The following CMC1 variants were observed in gnomAD, a reference collection of about 807,000 sequenced individuals.
CMC1 encodes the protein COX assembly mitochondrial protein homolog.
Under a neutral mutation model 14.1 loss-of-function variants are expected in CMC1, and 14 were observed. The observed-to-expected ratio is 0.99, with a 90% confidence interval of 0.66 to 1.55. The LOEUF (loss-of-function observed/expected upper bound fraction) is 1.55. Among genes scored for constraint, CMC1 ranks in the 40% most tolerant of loss-of-function variants. The pLI is 0.00. For missense variants in CMC1, 127 were observed against 123.8 expected (o/e 1.03, Z -0.12); for synonymous variants, 50 against 38.4 (o/e 1.30, Z -1.12).
intron 2 of CMC1, among the ~76,000 whole-genome samples, chr3:28,270,792 T>C (rs1353366383): frequency 6.6e-6 from 1 of 152,190 alleles, no homozygotes; most frequent in Non-Finnish European, 1.5e-5. Context: ...TTTGTTGCAA[T>C]TGGTTTTGGC....
intron 2 of CMC1, among the ~76,000 whole-genome samples, chr3:28,277,608 A>G (rs1700648094): frequency 6.6e-6 from 1 of 152,188 alleles, no homozygotes; most frequent in Non-Finnish European, 1.5e-5. Flanking sequence ...ATGAGGCTGC[A>G]GTTTCTAATA....
At chr3:28,281,101 A>G (rs1700869442) in intron 2 of CMC1, among the ~76,000 whole-genome samples, 1 of 152,228 alleles carries the variant, frequency 6.6e-6, no homozygotes, top group Admixed American at 6.5e-5. Context: ...AATTCTAGAA[A>G]CACAGGAAAG....
chr3:28,300,252 G>GT (rs1409835309), intron 2 of CMC1, among the ~76,000 whole-genome samples: 3 of 152,070 alleles, frequency 2.0e-5, no homozygotes, highest in East Asian at 1.9e-4. Context: ...CTGGAATACT[G>GT]TTTTTTGCTT....
In CMC1 at chr3:28,278,609, A is replaced by G. The variant is rs1282998904; in HGVS notation, c.109+15229A>G. On this transcript the variant is annotated intron_variant, in intron 2 of 3. Coordinates refer to ENST00000466830, the MANE Select transcript of CMC1 (RefSeq NM_182523.2). ...GACCACTCTCCCTCCAGAAGAAACC[A>G]TAACTACACTGATTTGTTAATTCAA... Among the ~76,000 whole-genome samples, 3 of 152,242 alleles carry G rather than the reference A, an allele frequency of 2.0e-5. No homozygotes were observed. In the East Asian group the frequency reaches 5.8e-4, roughly 29 times the overall value.
chr3:28,305,418 T>C (rs1305756749), intron 2 of CMC1, among the ~76,000 whole-genome samples: 1 of 152,220 alleles, frequency 6.6e-6, no homozygotes, highest in Non-Finnish European at 1.5e-5. Context: ...GGTAGAATTA[T>C]TTCTTTTCCT....
chr3:28,272,924 A>C (rs1700372477), intron 2 of CMC1, among the ~76,000 whole-genome samples: 1 of 151,910 alleles, frequency 6.6e-6, no homozygotes, highest in Non-Finnish European at 1.5e-5. Context: ...TGACCTTGTG[A>C]TCTGCCCACC....
intron 1 of CMC1, among the ~76,000 whole-genome samples, chr3:28,258,049 T>G (rs1245935425): frequency 8.4e-6 from 1 of 118,740 alleles, no homozygotes; most frequent in Admixed American, 1.0e-4. Flanking sequence ...GATTAATGAT[T>G]TTGAGCACCT....
chr3:28,242,077 T>C (rs1698555762), intron 1 of CMC1, among the ~76,000 whole-genome samples: 1 of 152,362 alleles, frequency 6.6e-6, no homozygotes, highest in South Asian at 2.1e-4. Context: ...GTCTCTTCAT[T>C]GTCACCCTCT....
At chr3:28,283,523 GCAA>G (rs772181418) in intron 2 of CMC1, among the ~76,000 whole-genome samples, 6 of 118,404 alleles carry the variant, frequency 5.1e-5, no homozygotes, top group East Asian at 2.3e-4. Flanking sequence ...CATCTCAACA[GCAA>G]CAACAACAAC....
chr3:28,316,541 G>T, intron 3 of CMC1, 118 bp downstream of exon 3: 1 of 455,134 alleles, frequency 2.2e-6, no homozygotes, highest in Non-Finnish European at 3.8e-6. Flanking sequence ...TTATCATATT[G>T]TTGGCTGAGT....
intron 2 of CMC1, among the ~76,000 whole-genome samples, chr3:28,290,016 A>G (rs553172797): frequency 6.6e-6 from 1 of 152,288 alleles, no homozygotes; most frequent in Admixed American, 6.5e-5. Context: ...AAGAAAACAT[A>G]TGAAACCCAC....
intron 2 of CMC1, among the ~76,000 whole-genome samples, chr3:28,268,928 A>G (rs143329129): frequency 6.6e-6 from 1 of 152,158 alleles, no homozygotes; most frequent in Non-Finnish European, 1.5e-5. Flanking sequence ...TGGTCAACTG[A>G]GGTTCTAGTT....
intron 2 of CMC1, among the ~76,000 whole-genome samples, chr3:28,274,212 G>GTTTTTTTTGTTTTTTTTTTTTTTTTT (rs376321066): frequency 1.1e-5 from 1 of 88,200 alleles, no homozygotes; most frequent in African/African-American, 4.8e-5. Flanking sequence ...AAGTGTTTTT[G>GTTTTTTTTGTTTTTTTTTTTTTTTTT]TTTTTTTCTT....
chr3:28,299,913 T>C (rs1174566304), intron 2 of CMC1, among the ~76,000 whole-genome samples: 1 of 152,166 alleles, frequency 6.6e-6, no homozygotes, highest in African/African-American at 2.4e-5. Context: ...TCATAAGTGT[T>C]GTGAAAATAT....
At chr3:28,274,212 G>GTTTTTTTTTTTTTTTTTTTT (rs376321066) in intron 2 of CMC1, among the ~76,000 whole-genome samples, 26 of 88,196 alleles carry the variant, frequency 2.9e-4, no homozygotes, top group Non-Finnish European at 4.1e-4. Context: ...AAGTGTTTTT[G>GTTTTTTTTTTTTTTTTTTTT]TTTTTTTCTT....
chr3:28,257,668 G>T lies in CMC1; in HGVS notation c.20-5623G>T, dbSNP rs1000712427. Among the ~76,000 whole-genome samples the T allele has an allele frequency of 2.0e-5, 3 of 152,044 alleles. No homozygotes were observed. The South Asian group carries it at 6.2e-4, about 32-fold the overall frequency. On this transcript the variant is annotated intron_variant, in intron 1 of 3. Coordinates refer to ENST00000466830, the MANE Select transcript of CMC1 (RefSeq NM_182523.2). ...CGAATGGCTGGGACTTTAGGCGCAC[G>T]CCACCATGCCCAGCTAATTTTTGTA... is the stretch of plus-strand genomic sequence containing the variant.
chr3:28,296,246 TTGTA>T (rs1701734659), intron 2 of CMC1, among the ~76,000 whole-genome samples: 1 of 152,090 alleles, frequency 6.6e-6, no homozygotes, highest in Non-Finnish European at 1.5e-5. Flanking sequence ...TTGATCACCA[TTGTA>T]ACCATGTAAT....
At chr3:28,273,801 A>G (rs1268248535) in intron 2 of CMC1, among the ~76,000 whole-genome samples, 1 of 152,172 alleles carries the variant, frequency 6.6e-6, no homozygotes, top group East Asian at 1.9e-4. Context: ...AGGTGTATAT[A>G]TATTTAGGAT....
At chr3:28,255,434 CAG>C (rs1163506178) in intron 1 of CMC1, among the ~76,000 whole-genome samples, 2 of 151,574 alleles carry the variant, frequency 1.3e-5, no homozygotes, top group Non-Finnish European at 2.9e-5. Flanking sequence ...TCACTAGAGA[CAG>C]AGTTTCATCA....
Sources: gnomAD v4.1 joint callset for allele counts (sites outside exome capture counted in the v4.1 genomes callset) on GRCh38, gnomAD v4.1.1 for gene constraint, MANE v1.5 for transcripts, NCBI Gene and HGNC (gene_info 2026-07-23, HGNC 2026-07-21) for gene names.